The following PHF21A variants were observed in gnomAD, a reference collection of about 807,000 sequenced individuals.
PHF21A encodes PHD finger protein 21A.
PHF21A carries 11 observed loss-of-function variants against 82.5 expected under a neutral mutation model. That is an observed-to-expected ratio of 0.13 (90% CI 0.08 to 0.22). PHF21A has a LOEUF of 0.22. Ranked by LOEUF, PHF21A falls within the 10% of genes least tolerant of loss-of-function variation. PHF21A has a pLI of 1.00. For synonymous variants in PHF21A, 297 were observed against 302.8 expected, an observed-to-expected ratio of 0.98 and a Z score of 0.20; for missense variants, 579 against 837.8, an observed-to-expected ratio of 0.69 and a Z score of 3.81.
intron 1 of PHF21A, among the ~76,000 whole-genome samples, chr11:46,111,197 G>A (rs1028286475): frequency 2.0e-5 from 3 of 151,204 alleles, no homozygotes; most frequent in Admixed American, 2.0e-4. Context: ...GGCCAGGCGT[G>A]GTGGCTCACG....
At chr11:46,100,334 G>T (rs1207659994) in intron 1 of PHF21A, among the ~76,000 whole-genome samples, 1 of 151,784 alleles carries the variant, frequency 6.6e-6, no homozygotes, top group Non-Finnish European at 1.5e-5. Flanking sequence ...GCAGCATGGG[G>T]TCCCATTAGG....
intron 15 of PHF21A, among the ~76,000 whole-genome samples, chr11:45,943,460 C>T (rs1199713995): frequency 1.3e-5 from 2 of 152,102 alleles, no homozygotes; most frequent in Admixed American, 6.5e-5. Flanking sequence ...GATTTACAGG[C>T]GTGAGCCACC....
intron 11 of PHF21A, among the ~76,000 whole-genome samples, chr11:45,952,741 C>A (rs747048795): frequency 7.2e-5 from 11 of 152,140 alleles, no homozygotes; most frequent in Admixed American, 7.2e-4. Flanking sequence ...TGGCTTTATG[C>A]CACTATTTCA....
At chr11:45,939,660 C>A (rs1299650472) in intron 15 of PHF21A, among the ~76,000 whole-genome samples, 1 of 151,728 alleles carries the variant, frequency 6.6e-6, no homozygotes. Flanking sequence ...CTCTACCACC[C>A]CCATCACAGT....
At chr11:46,013,068 A>G (rs565296058) in intron 6 of PHF21A, among the ~76,000 whole-genome samples, 2 of 152,166 alleles carry the variant, frequency 1.3e-5, no homozygotes, top group East Asian at 3.9e-4. Context: ...ATATATTCAC[A>G]CCTATGATAA....
intron 6 of PHF21A, among the ~76,000 whole-genome samples, chr11:46,062,343 A>T (rs1184785936): frequency 6.6e-6 from 1 of 151,966 alleles, no homozygotes; most frequent in African/African-American, 2.4e-5. Flanking sequence ...GCCAGGCATG[A>T]GACTTTCTGG....
chr11:46,086,371 G>A (rs1437197198), intron 3 of PHF21A, among the ~76,000 whole-genome samples: 1 of 152,118 alleles, frequency 6.6e-6, no homozygotes, highest in Non-Finnish European at 1.5e-5. Context: ...CGCCCGTCCT[G>A]GCCTCCCAAA....
At chr11:45,934,968 G>A in intron 18 of PHF21A, 1 of 482,566 alleles carries the variant, frequency 2.1e-6, no homozygotes, top group Non-Finnish European at 3.8e-6. Flanking sequence ...GCACCACCTG[G>A]TATCCATGAG....
At chr11:46,109,014 C>A (rs755996940) in intron 1 of PHF21A, among the ~76,000 whole-genome samples, 3 of 152,206 alleles carry the variant, frequency 2.0e-5, no homozygotes, top group Non-Finnish European at 2.9e-5. Flanking sequence ...CCTAACCCAA[C>A]CAAAATCAAC....
intron 3 of PHF21A, 117 bp from the exon 4 acceptor site, chr11:46,084,419 C>T: frequency 2.3e-6 from 1 of 439,018 alleles, no homozygotes; most frequent in East Asian, 4.3e-5. Flanking sequence ...CAAGAAATTT[C>T]CCAAAGAGAT....
intron 6 of PHF21A, among the ~76,000 whole-genome samples, chr11:46,003,248 T>C (rs2095199132): frequency 6.6e-6 from 1 of 150,870 alleles, no homozygotes; most frequent in African/African-American, 2.4e-5. Context: ...GCATATAGTG[T>C]ATGGAGGAAA....
chr11:45,994,986 T>C (rs2094854663), intron 6 of PHF21A, among the ~76,000 whole-genome samples: 1 of 152,216 alleles, frequency 6.6e-6, no homozygotes, highest in South Asian at 2.1e-4. Context: ...CCCACAGAAA[T>C]GTGTATAATC....
intron 6 of PHF21A, among the ~76,000 whole-genome samples, chr11:46,043,496 T>C (rs1337219549): frequency 6.6e-6 from 1 of 152,122 alleles, no homozygotes; most frequent in Non-Finnish European, 1.5e-5. Flanking sequence ...GTCTATTAGT[T>C]ATTAATATCT....
intron 6 of PHF21A, among the ~76,000 whole-genome samples, chr11:46,071,915 T>TA (rs1390231458): frequency 3.3e-5 from 5 of 152,198 alleles, no homozygotes; most frequent in African/African-American, 9.6e-5. Context: ...CACCGTTCTA[T>TA]AAAAAAATTA....
At chr11:45,957,852 C>G (rs376661614) in intron 10 of PHF21A, among the ~76,000 whole-genome samples, 1 of 150,360 alleles carries the variant, frequency 6.7e-6, no homozygotes, top group Non-Finnish European at 1.5e-5. Context: ...GGTGAATCTT[C>G]GAAAAGAATA....
At position 46,030,830 on chromosome 11, in the gene PHF21A, CGTGTGT is replaced by C. The variant is rs71038879; in HGVS notation, c.153+45918_153+45923del. On this transcript the variant is annotated intron_variant, in intron 6 of 18. Transcript: ENST00000676320. ...TAGTGTGTGTGTGTGCGTGTGTGTG[CGTGTGT>C]GTGTGTGTGTGTGTGTGTGTGTGTG... Among the ~76,000 whole-genome samples the C allele has an allele frequency of 2.0e-3, 284 of 142,302 alleles. 1 individual carries two copies. Among genetic ancestry groups the C allele is most frequent in the Middle Eastern group, 3.7e-3 (1 of 270 alleles). The allele number at this position is 142,302 out of a possible 152,430, so 93.4% of individuals were successfully genotyped here.
At chr11:45,965,194 G>A in intron 10 of PHF21A, 121 bp downstream of exon 10, 1 of 801,174 alleles carries the variant, frequency 1.2e-6, no homozygotes, top group Non-Finnish European at 2.0e-6. Context: ...ATAAGCGACA[G>A]CTTACTGACA....
At chr11:45,950,705 A>AG (rs1457097618) in intron 11 of PHF21A, among the ~76,000 whole-genome samples, 1 of 152,168 alleles carries the variant, frequency 6.6e-6, no homozygotes, top group Non-Finnish European at 1.5e-5. Flanking sequence ...TCAATGACAG[A>AG]AATCAGTATC....
At chr11:46,078,883 T>C (rs1204773694) in intron 5 of PHF21A, among the ~76,000 whole-genome samples, 1 of 152,124 alleles carries the variant, frequency 6.6e-6, no homozygotes, top group Non-Finnish European at 1.5e-5. Flanking sequence ...AATATTTTTC[T>C]CTAAAATACT....
Sources: allele counts gnomAD v4.1 joint callset (sites outside exome capture counted in the v4.1 genomes callset), GRCh38; gene constraint gnomAD v4.1.1; transcripts MANE v1.5; gene names NCBI Gene and HGNC (gene_info 2026-07-23, HGNC 2026-07-21).